Variants in SLC12A7 observed in about 807,000 individuals in gnomAD.
The protein encoded by SLC12A7 is K-Cl cotransporter 4.
SLC12A7 carries 100 observed loss-of-function variants against 120.6 expected under a neutral mutation model. That is an observed-to-expected ratio of 0.83 (90% CI 0.71 to 0.98). The LOEUF is 0.98. Ranked by LOEUF, SLC12A7 falls within the 50% of genes least tolerant of loss-of-function variation. The pLI is 0.00. For synonymous variants in SLC12A7, 760 were observed against 678.0 expected, an observed-to-expected ratio of 1.12 and a Z score of -1.88; for missense variants, 1,373 against 1,548.1, an observed-to-expected ratio of 0.89 and a Z score of 1.90.
chr5:1,119,799 C>G, the SLC12A7 span, among the ~76,000 whole-genome samples: 4 of 152,262 alleles, frequency 2.6e-5, no homozygotes, highest in African/African-American at 9.6e-5. Context: ...TGGGGTCCAC[C>G]GGCGCTGTCC....
At chr5:1,060,234 A>G in intron 21 of SLC12A7, 110 bp downstream of exon 21, 1 of 805,022 alleles carries the variant, frequency 1.2e-6, no homozygotes, top group Non-Finnish European at 2.1e-6. Context: ...TACCTGAGGC[A>G]TGCTCTCTGG....
In SLC12A7 at chr5:1,078,769, C is replaced by T. The variant is rs770413187; in HGVS notation, c.1397-11G>A. 73 of 1,593,662 alleles carry T rather than the reference C, an allele frequency of 4.6e-5. No individual in the cohort carries two copies. In the South Asian group the frequency reaches 5.6e-4, roughly 12 times the overall value. On this transcript the variant is annotated splice_polypyrimidine_tract_variant and intron_variant, in intron 10 of 23. Transcript: ENST00000264930. ...CAATGCAGGAGAGATCCACAGCCCT[C>T]GTCAAGGAAAGGCAGGTCCGTGGGT...
At chr5:1,116,945 T>C (rs1213876686), upstream of SLC12A7, among the ~76,000 whole-genome samples, 1 of 152,004 alleles carries the variant, frequency 6.6e-6, no homozygotes, top group Non-Finnish European at 1.5e-5. Context: ...CCTTCAGAAA[T>C]GGAAGCAGAG....
intron 16 of SLC12A7, among the ~76,000 whole-genome samples, chr5:1,074,084 A>C (rs887428298): frequency 3.3e-5 from 5 of 152,030 alleles, no homozygotes; most frequent in Admixed American, 2.6e-4. Flanking sequence ...ACAGGAGAAC[A>C]GGTAGGTTAG....
chr5:1,063,195 C>T (rs1051861121), intron 20 of SLC12A7, among the ~76,000 whole-genome samples: 1 of 152,214 alleles, frequency 6.6e-6, no homozygotes, highest in Non-Finnish European at 1.5e-5. Flanking sequence ...CAGGCCCTGC[C>T]TATAGCTGAC....
At chr5:1,094,433 C>A (rs571566424) in intron 1 of SLC12A7, among the ~76,000 whole-genome samples, 185 bp from the exon 2 acceptor site, 1 of 152,316 alleles carries the variant, frequency 6.6e-6, no homozygotes, top group East Asian at 1.9e-4. Context: ...AAGAAAGGGG[C>A]ATTTCCCAGG....
intron 22 of SLC12A7, among the ~76,000 whole-genome samples, chr5:1,054,303 C>A (rs1181114977): frequency 6.6e-6 from 1 of 152,254 alleles, no homozygotes; most frequent in Non-Finnish European, 1.5e-5. Context: ...TGTCTCAAAG[C>A]GTCCCTGGCG....
At chr5:1,059,249 G>C (rs549738610) in intron 21 of SLC12A7, among the ~76,000 whole-genome samples, 1 of 152,206 alleles carries the variant, frequency 6.6e-6, no homozygotes, top group Non-Finnish European at 1.5e-5. Flanking sequence ...CCTGCCCGGG[G>C]TCTGGGAGTG....
chr5:1,133,602 G>T, the SLC12A7 span, among the ~76,000 whole-genome samples: 1 of 152,244 alleles, frequency 6.6e-6, no homozygotes, highest in African/African-American at 2.4e-5. Context: ...CGCTGTGGCT[G>T]CTGCTGACGC....
chr5:1,140,961 G>A, the SLC12A7 span, among the ~76,000 whole-genome samples: 22 of 152,250 alleles, frequency 1.4e-4, no homozygotes, highest in African/African-American at 5.1e-4. Flanking sequence ...GCCTGGGCCA[G>A]TTCAGAGCAG....
In SLC12A7 at chr5:1,060,426, G is replaced by A. The variant is rs1450653815; in HGVS notation, c.2765C>T (p.Thr922Ile). Residue 922 changes from threonine (T) to isoleucine (I), a missense_variant, in exon 21 of 24, where the codon ACC becomes ATC. Coordinates refer to ENST00000264930, the MANE Select transcript of SLC12A7 (RefSeq NM_006598.3). ...EMVENDISAF[T>I]YERTLMMEQR... ...CTCCATCATTAGTGTCCTCTCGTAG[G>A]TGAAAGCAGATATGTCGTTTTCAAC... is the stretch of plus-strand genomic sequence containing the variant. The A allele has an allele frequency of 9.9e-6, 16 of 1,613,656 alleles. No homozygotes were observed. Among genetic ancestry groups the A allele is most frequent in the Non-Finnish European group, 1.4e-5 (16 of 1,179,890 alleles).
In SLC12A7 at chr5:1,076,122, T is replaced by C; in HGVS notation, c.1847+16A>G. ...CAGCCTGTGGGGCTCCTCACGCCCGTGCTGAGTGGCCTCACCAGTGGTAGA... is the reference window on the plus strand; with the variant it reads ...CAGCCTGTGGGGCTCCTCACGCCCGCGCTGAGTGGCCTCACCAGTGGTAGA... On this transcript the variant is annotated intron_variant, in intron 14 of 23. Coordinates refer to ENST00000264930, the MANE Select transcript of SLC12A7 (RefSeq NM_006598.3). The C allele has an allele frequency of 6.2e-7, 1 of 1,600,886 alleles. No homozygotes were observed. The highest frequency in any genetic ancestry group is 8.5e-7 in the Non-Finnish European group (1 of 1,172,732).
chr5:1,137,584 G>A, the SLC12A7 span, among the ~76,000 whole-genome samples: 17 of 152,204 alleles, frequency 1.1e-4, no homozygotes, highest in African/African-American at 3.6e-4. Context: ...GGCACTGAAT[G>A]ACCCCGTTCC....
the SLC12A7 span, among the ~76,000 whole-genome samples, chr5:1,154,388 CACAG>C: frequency 7.5e-5 from 11 of 147,186 alleles, no homozygotes; most frequent in East Asian, 7.9e-4. Flanking sequence ...CACACACACA[CACAG>C]AGACACATAC....
At chr5:1,063,270 G>A (rs982469520) in intron 20 of SLC12A7, among the ~76,000 whole-genome samples, 5 of 152,202 alleles carry the variant, frequency 3.3e-5, no homozygotes, top group South Asian at 4.1e-4. Context: ...CCCTCTCCCC[G>A]GGTCCCGACT....
intron 22 of SLC12A7, among the ~76,000 whole-genome samples, chr5:1,054,332 C>T (rs1429578907): frequency 6.6e-6 from 1 of 152,250 alleles, no homozygotes; most frequent in Non-Finnish European, 1.5e-5. Flanking sequence ...CCGGCCACAG[C>T]CCCACAGGAG....
At chr5:1,133,955 C>A in the SLC12A7 span, among the ~76,000 whole-genome samples, 7 of 152,128 alleles carry the variant, frequency 4.6e-5, no homozygotes, top group African/African-American at 1.7e-4. Flanking sequence ...AACTTTCCAG[C>A]ACGTACACCA....
the SLC12A7 span, among the ~76,000 whole-genome samples, chr5:1,123,153 A>T: frequency 6.6e-6 from 1 of 152,004 alleles, no homozygotes; most frequent in African/African-American, 2.4e-5. Flanking sequence ...TTTCTGTCCT[A>T]TTTTTACACT....
Position 1,081,624 on chromosome 5 carries a change from G to C in SLC12A7, c.1250C>G (p.Ala417Gly), listed in dbSNP as rs746333907. The change falls in exon 9 of 24, where the codon GCG becomes GGG. Residue 417 changes from alanine (A) to glycine (G), a missense_variant. By Grantham distance (60) the Ala-to-Gly change is moderately conservative. Coordinates refer to ENST00000264930, the MANE Select transcript of SLC12A7 (RefSeq NM_006598.3). ...SALPYVLTDI[A>G]ASFTLLVGIY... ...GCCAACCAGCAGGGTGAAGGAGGCC[G>C]CGATGTCGGTGAGCACGTAGGGCAG... 6.2e-7 allele frequency: 1 copy of C among 1,611,104 alleles called. No individual in the cohort carries two copies. The highest frequency in any genetic ancestry group is 1.7e-5 in the Admixed American group (1 of 59,990).
Sources: gnomAD v4.1 joint callset for allele counts (sites outside exome capture counted in the v4.1 genomes callset) on GRCh38, gnomAD v4.1.1 for gene constraint, MANE v1.5 for transcripts, NCBI Gene and HGNC (gene_info 2026-07-23, HGNC 2026-07-21) for gene names.